Variants in SLC25A13 observed in about 807,000 individuals in gnomAD.
The protein encoded by SLC25A13 is solute carrier family 25 member 13, also known as electrogenic aspartate/glutamate antiporter SLC25A13, mitochondrial.
Under a neutral mutation model 85.5 loss-of-function variants are expected in SLC25A13, and 70 were observed. The ratio of observed to expected loss-of-function variants is 0.82; its 90% CI spans 0.68 to 1.00. The LOEUF (loss-of-function observed/expected upper bound fraction) is 1.00, where lower values mean the gene tolerates loss of function less well. Ranked by LOEUF, SLC25A13 falls within the 50% of genes least tolerant of loss-of-function variation. The pLI is 0.00. For synonymous variants in SLC25A13, 259 were observed against 288.7 expected, an observed-to-expected ratio of 0.90 and a Z score of 1.04; for missense variants, 765 against 819.8, an observed-to-expected ratio of 0.93 and a Z score of 0.82.
intron 4 of SLC25A13, among the ~76,000 whole-genome samples, chr7:96,219,058 G>A (rs6956954): frequency 0.53 from 79,787 of 151,972 alleles, 22,470 homozygotes; most frequent in Non-Finnish European, 0.62. Flanking sequence ...TATCAAGGTT[G>A]CCATTTCAAA....
In SLC25A13 at chr7:96,247,329, T is replaced by C. The variant is rs1360033686; in HGVS notation, c.213-12412A>G. ...ATTTATCTAAGCTTAAAATAGATTA[T>C]GATTTTCTGTATTTAAGACCATAAA... On this transcript the variant is annotated intron_variant, in intron 3 of 17. Transcript: ENST00000265631. Among the ~76,000 whole-genome samples the C allele has an allele frequency of 3.9e-5, 6 of 152,306 alleles. No homozygotes were observed. The East Asian group carries it at 1.2e-3, about 29-fold the overall frequency.
intron 3 of SLC25A13, among the ~76,000 whole-genome samples, chr7:96,266,168 A>G (rs1490057784): frequency 6.6e-6 from 1 of 152,202 alleles, no homozygotes; most frequent in Non-Finnish European, 1.5e-5. Context: ...ATGGTGAAAA[A>G]GGTAGATCAT....
At chr7:96,141,318 C>T (rs957502212) in intron 14 of SLC25A13, among the ~76,000 whole-genome samples, 4 of 152,152 alleles carry the variant, frequency 2.6e-5, no homozygotes, top group African/African-American at 4.8e-5. Flanking sequence ...GCACCATGCT[C>T]GGCCATATCT....
chr7:96,192,107 T>A (rs2116659163), intron 6 of SLC25A13, among the ~76,000 whole-genome samples: 1 of 151,568 alleles, frequency 6.6e-6, no homozygotes, highest in South Asian at 2.1e-4. Context: ...AGAAAAGGAG[T>A]TAGATTAACA....
chr7:96,196,983 T>G (rs1472567342), intron 5 of SLC25A13, among the ~76,000 whole-genome samples: 1 of 152,308 alleles, frequency 6.6e-6, no homozygotes, highest in South Asian at 2.1e-4. Context: ...GAATGCTTAC[T>G]GCAAGCCTAT....
intron 10 of SLC25A13, 137 bp from the exon 11 acceptor site, chr7:96,184,572 C>A: frequency 2.5e-6 from 2 of 789,980 alleles, no homozygotes; most frequent in South Asian, 3.3e-5. Context: ...AACAGTACTA[C>A]CTTTCTTATA....
intron 13 of SLC25A13, 167 bp downstream of exon 13, chr7:96,169,878 T>G: frequency 1.4e-6 from 1 of 704,904 alleles, no homozygotes; most frequent in South Asian, 1.6e-5. Flanking sequence ...CCCTTCCACC[T>G]CTGGAATGGT....
intron 2 of SLC25A13, among the ~76,000 whole-genome samples, chr7:96,284,683 G>T (rs1220780608): frequency 2.0e-5 from 3 of 152,140 alleles, no homozygotes; most frequent in Non-Finnish European, 4.4e-5. Flanking sequence ...CATGGGTGCG[G>T]TCTCCCCATA....
intron 2 of SLC25A13, 66 bp from the exon 3 acceptor site, chr7:96,277,404 T>C (rs1798499437): frequency 6.8e-7 from 1 of 1,473,298 alleles, no homozygotes; most frequent in South Asian, 1.2e-5. Context: ...ATCATGAGAG[T>C]GATATGTGAA....
At chr7:96,302,122 TAA>T (rs1352965222) in intron 1 of SLC25A13, among the ~76,000 whole-genome samples, 2 of 152,200 alleles carry the variant, frequency 1.3e-5, no homozygotes, top group African/African-American at 4.8e-5. Context: ...TATAATTGTG[TAA>T]GTCATCAATA....
At chr7:96,175,070 G>A (rs1223367489) in intron 11 of SLC25A13, among the ~76,000 whole-genome samples, 1 of 152,170 alleles carries the variant, frequency 6.6e-6, no homozygotes, top group African/African-American at 2.4e-5. Flanking sequence ...AACAGCAGGT[G>A]CTGCATACCA....
intron 3 of SLC25A13, among the ~76,000 whole-genome samples, chr7:96,260,575 G>A (rs1396599600): frequency 6.6e-6 from 1 of 152,002 alleles, no homozygotes; most frequent in Non-Finnish European, 1.5e-5. Flanking sequence ...CTCACAGCCT[G>A]CCTCTCTAAT....
intron 2 of SLC25A13, among the ~76,000 whole-genome samples, chr7:96,291,576 TA>T: frequency 6.6e-6 from 1 of 151,836 alleles, no homozygotes; most frequent in African/African-American, 2.4e-5. Context: ...ATAGACGCAA[TA>T]AAAAATGAGA....
intron 1 of SLC25A13, among the ~76,000 whole-genome samples, chr7:96,319,366 G>C (rs1800248652): frequency 6.6e-6 from 1 of 151,860 alleles, no homozygotes; most frequent in African/African-American, 2.4e-5. Context: ...TGGCCAACAT[G>C]ATGTTGGCCT....
intron 3 of SLC25A13, among the ~76,000 whole-genome samples, chr7:96,271,193 CA>C: frequency 6.6e-6 from 1 of 152,154 alleles, no homozygotes; most frequent in East Asian, 1.9e-4. Flanking sequence ...ATTCAAAATA[CA>C]GCTTCTATTC....
At chr7:96,171,630 C>T in intron 11 of SLC25A13, 106 bp from the exon 12 acceptor site, 1 of 877,956 alleles carries the variant, frequency 1.1e-6, no homozygotes, top group South Asian at 1.5e-5. Flanking sequence ...TTAATCTCTG[C>T]TGCAATTTTC....
At position 96,204,544 on chromosome 7, in the gene SLC25A13, C is replaced by CA. The variant is rs1284229795; in HGVS notation, c.468+4293dup. ...ACAGAGTGAGACCCTGTCTCAAAAA[C>CA]AAAAAAAAGAAAGAAAAGAAAAAGG... On this transcript the variant is annotated intron_variant, in intron 5 of 17. Transcript: ENST00000265631. 1.4e-4 allele frequency among the ~76,000 whole-genome samples: 17 copies of CA among 118,506 alleles called. No individual in the cohort carries two copies. The South Asian group carries it at 2.5e-3, about 17-fold the overall frequency. 77.7% of individuals were successfully genotyped at this position (118,506 alleles called of 152,430 possible).
intron 14 of SLC25A13, among the ~76,000 whole-genome samples, chr7:96,137,149 C>A (rs1792321737): frequency 6.6e-6 from 1 of 152,132 alleles, no homozygotes; most frequent in African/African-American, 2.4e-5. Flanking sequence ...GATGGTTAGA[C>A]CCCACCTACA....
Position 96,273,508 on chromosome 7 carries a change from T to C in SLC25A13, c.212+3688A>G, listed in dbSNP as rs376186166. 5.9e-5 allele frequency among the ~76,000 whole-genome samples: 9 copies of C among 152,312 alleles called. 1 individual carries two copies. In the South Asian group the frequency reaches 1.2e-3, roughly 21 times the overall value. On this transcript the variant is annotated intron_variant, in intron 3 of 17. Transcript: ENST00000265631. Reference sequence around the variant, plus strand: ...TAGCATGGGGGGTTATGTAGGAGAATGTTCTTAGTCTCAGAAGATAAATGC... The same window carrying C: ...TAGCATGGGGGGTTATGTAGGAGAACGTTCTTAGTCTCAGAAGATAAATGC...
Sources: gnomAD v4.1 joint callset for allele counts (sites outside exome capture counted in the v4.1 genomes callset) on GRCh38, gnomAD v4.1.1 for gene constraint, MANE v1.5 for transcripts, NCBI Gene and HGNC (gene_info 2026-07-23, HGNC 2026-07-21) for gene names.